The following DPEP1 variants were observed in gnomAD, a reference collection of about 807,000 sequenced individuals.
The protein encoded by DPEP1 is beta-lactamase.
In DPEP1, 50 loss-of-function variants were observed where a neutral mutation model predicts 42.3. The observed-to-expected ratio is 1.18, with a 90% CI of 0.94 to 1.50. The LOEUF is 1.50. Ranked by LOEUF, DPEP1 falls within the 40% of genes most tolerant of loss-of-function variation. The probability of loss-of-function intolerance (pLI) is 0.00; values close to 1 mark genes in which losing one functional copy is unlikely to be tolerated. For synonymous variants in DPEP1, 297 were observed against 234.0 expected (o/e 1.27, Z -2.46); for missense variants, 663 against 553.0 (o/e 1.20, Z -1.99).
At chr16:89,633,820 G>A (rs1466000509) in intron 2 of DPEP1, among the ~76,000 whole-genome samples, 1 of 145,080 alleles carries the variant, frequency 6.9e-6, no homozygotes, top group Non-Finnish European at 1.5e-5. Flanking sequence ...ACTGCAAGTG[G>A]AGGGGCCCCT....
Position 89,637,756 on chromosome 16 carries a change from C to A in DPEP1, c.929+49C>A, listed in dbSNP as rs201487605. On this transcript the variant is annotated intron_variant, in intron 9 of 10. Coordinates refer to ENST00000690203, the MANE Select transcript of DPEP1 (RefSeq NM_001389466.1). ...TGTGGATGAGCCGGGAGGTTCATGG[C>A]CTCGTCAGAGGGATGAGGTGGCTGG... is the stretch of plus-strand genomic sequence containing the variant. 1,510 of 1,612,536 alleles carry A rather than the reference C, an allele frequency of 9.4e-4. 2 individuals carry two copies. Among genetic ancestry groups the A allele is most frequent in the South Asian group, 1.7e-3 (152 of 91,084 alleles).
rs3039849 is a variant in DPEP1, at chr16:89,634,091, C to CT, written c.105-1801dup. ...TATTTTTCTTTTCTCTTCTCTTCTT[C>CT]TTTTTTTTTTTTTTTTGGAGGGAGT... is the stretch of plus-strand genomic sequence containing the variant. On this transcript the variant is annotated intron_variant, in intron 2 of 10. Transcript: ENST00000690203. Among the ~76,000 whole-genome samples the CT allele has an allele frequency of 3.2e-3, 399 of 123,684 alleles. 1 individual carries two copies. The highest frequency in any genetic ancestry group is 7.7e-3 in the Admixed American group (93 of 12,102). 81.1% of individuals were successfully genotyped at this position (123,684 alleles called of 152,430 possible). A position where few individuals can be genotyped will look rare whatever the true frequency, so the allele number is the denominator to read the frequency against.
chr16:89,637,800 A>C (rs1479234422), intron 9 of DPEP1, 36 bp from the exon 10 acceptor site: 1 of 1,612,546 alleles, frequency 6.2e-7, no homozygotes, highest in African/African-American at 1.3e-5. Context: ...CCTGTGTCCT[A>C]GTGTGGGGGC....
intron 2 of DPEP1, among the ~76,000 whole-genome samples, chr16:89,633,343 A>G (rs542921471): frequency 6.6e-6 from 1 of 152,350 alleles, no homozygotes; most frequent in African/African-American, 2.4e-5. Context: ...TCACACCAGC[A>G]TCAGGCGTGC....
At chr16:89,636,831 C>A in intron 5 of DPEP1, 35 bp from the exon 6 acceptor site, 1 of 1,611,246 alleles carries the variant, frequency 6.2e-7, no homozygotes, top group Non-Finnish European at 8.5e-7. Context: ...GAGACCACCG[C>A]TCACCTCTTG....
At chr16:89,614,193 C>T (rs566844041) in intron 1 of DPEP1, among the ~76,000 whole-genome samples, 2 of 152,258 alleles carry the variant, frequency 1.3e-5, no homozygotes, top group Admixed American at 6.5e-5. Context: ...TGGCCCTCCC[C>T]GTGGTCCCTA....
intron 1 of DPEP1, among the ~76,000 whole-genome samples, chr16:89,627,146 G>A (rs560153980): frequency 3.9e-5 from 6 of 151,950 alleles, no homozygotes; most frequent in African/African-American, 1.2e-4. Flanking sequence ...GGTGGCGGGC[G>A]CCTGTAGTCC....
At chr16:89,627,651 CTTTTTTTTTTTTT>C (rs1175287086) in intron 1 of DPEP1, among the ~76,000 whole-genome samples, 33 of 52,864 alleles carry the variant, frequency 6.2e-4, no homozygotes, top group African/African-American at 2.3e-3. Flanking sequence ...GATATTTCTT[CTTTTTTTTTTTTT>C]TTTTTTTTTT....
At chr16:89,623,648 G>T (rs576662090) in intron 1 of DPEP1, among the ~76,000 whole-genome samples, 2 of 152,112 alleles carry the variant, frequency 1.3e-5, no homozygotes, top group African/African-American at 2.4e-5. Flanking sequence ...CCGGAGACCA[G>T]ACGCACAACC....
intron 1 of DPEP1, among the ~76,000 whole-genome samples, chr16:89,620,152 T>A (rs1256105864): frequency 2.6e-5 from 4 of 151,962 alleles, no homozygotes; most frequent in Non-Finnish European, 5.9e-5. Flanking sequence ...AATCCTCGAT[T>A]GTGGCTGGGG....
rs567746156 is a variant in DPEP1 at position 89,637,322 on chromosome 16, C to T, written c.710C>T (p.Ser237Leu). ...GCCCCGGTCATCTTCAGCCACTCCT[C>T]GGCCTACAGCGTGTGCGCAAGCCGG... ...SRAPVIFSHS[S>L]AYSVCASRRN... is the part of the protein sequence containing the mutation. The change falls in exon 7 of 11, where the codon TCG (serine) becomes TTG (leucine). Residue 237 changes from serine to leucine, a missense_variant. Transcript: ENST00000690203. 42 of 1,612,562 alleles carry T rather than the reference C, an allele frequency of 2.6e-5. No homozygotes were observed. Among genetic ancestry groups the T allele is most frequent in the Admixed American group, 1.8e-4 (11 of 60,014 alleles).
intron 2 of DPEP1, among the ~76,000 whole-genome samples, chr16:89,631,407 A>G (rs1467315205): frequency 6.6e-6 from 1 of 152,162 alleles, no homozygotes; most frequent in Non-Finnish European, 1.5e-5. Context: ...CCAGACTCAG[A>G]TCAGGGTCCA....
chr16:89,637,172 C>T (rs957231191), intron 6 of DPEP1, 32 bp from the exon 7 acceptor site: 5 of 1,603,098 alleles, frequency 3.1e-6, no homozygotes, highest in African/African-American at 2.7e-5. Flanking sequence ...ACCCTGGGGG[C>T]TGTGAGGGTG....
chr16:89,633,664 G>C (rs1325189769), intron 2 of DPEP1, among the ~76,000 whole-genome samples: 1 of 152,200 alleles, frequency 6.6e-6, no homozygotes, highest in Non-Finnish European at 1.5e-5. Context: ...GAGACACAGA[G>C]GGAGCTGTCC....
chr16:89,624,501 G>T (rs527633632), intron 1 of DPEP1, among the ~76,000 whole-genome samples: 1 of 151,976 alleles, frequency 6.6e-6, no homozygotes, highest in Admixed American at 6.6e-5. Context: ...CGGGAGTGGG[G>T]TGAGAGGGGC....
Position 89,636,101 on chromosome 16 carries a change from C to T in DPEP1, c.237+61C>T, listed in dbSNP as rs2151501174. 1.9e-6 allele frequency: 3 copies of T among 1,561,112 alleles called. No individual in the cohort carries two copies. The East Asian group carries it at 7.0e-5, about 36-fold the overall frequency. ...GGGTCATCCCGTCTCCTACCTCAGG[C>T]CTGGCTACAGTGGGACCATCCCTGT... On this transcript the variant is annotated intron_variant, in intron 3 of 10. Transcript: ENST00000690203.
At position 89,627,158 on chromosome 16, in the gene DPEP1, A is replaced by C. The variant is rs1395099363; in HGVS notation, c.-106-3147A>C. Among the ~76,000 whole-genome samples, 11 of 151,858 alleles carry C rather than the reference A, an allele frequency of 7.2e-5. No individual in the cohort carries two copies. The South Asian group carries it at 1.9e-3, about 26-fold the overall frequency. ...CGTGGTGGCGGGCGCCTGTAGTCCCAGCTTCTCTGGAGACTGAGGCAGGAG... is the reference window on the plus strand; with the variant it reads ...CGTGGTGGCGGGCGCCTGTAGTCCCCGCTTCTCTGGAGACTGAGGCAGGAG... On this transcript the variant is annotated intron_variant, in intron 1 of 10. Coordinates refer to ENST00000690203, the MANE Select transcript of DPEP1 (RefSeq NM_001389466.1).
chr16:89,638,813 A>T (rs1332444507), downstream of DPEP1, among the ~76,000 whole-genome samples: 1 of 59,280 alleles, frequency 1.7e-5, no homozygotes. Flanking sequence ...CCCTGCACAC[A>T]CACACCCCAC....
chr16:89,641,468 G>A (rs2059742153), downstream of DPEP1, among the ~76,000 whole-genome samples: 1 of 152,118 alleles, frequency 6.6e-6, no homozygotes, highest in African/African-American at 2.4e-5. Flanking sequence ...TGTATGGCCT[G>A]GTTTGTCCTA....
Sources: allele counts gnomAD v4.1 joint callset (sites outside exome capture counted in the v4.1 genomes callset), GRCh38; gene constraint gnomAD v4.1.1; transcripts MANE v1.5; gene names NCBI Gene and HGNC (gene_info 2026-07-23, HGNC 2026-07-21).